The following ABLIM2 variants were observed in gnomAD, a reference collection of about 807,000 sequenced individuals.
The protein encoded by ABLIM2 is actin-binding LIM protein 2.
ABLIM2 carries 53 observed loss-of-function variants against 97.7 expected under a neutral mutation model. That is an observed-to-expected ratio of 0.54 (90% CI 0.44 to 0.68). The LOEUF is 0.68. Ranked by LOEUF, ABLIM2 falls within the 30% of genes least tolerant of loss-of-function variation. The pLI, the probability that ABLIM2 is intolerant of heterozygous loss-of-function variation, is 0.00. For synonymous variants in ABLIM2, 361 were observed against 345.8 expected, an observed-to-expected ratio of 1.04 and a Z score of -0.49; for missense variants, 835 against 867.2, an observed-to-expected ratio of 0.96 and a Z score of 0.47.
chr4:8,100,329 C>A (rs1487321167), intron 2 of ABLIM2, among the ~76,000 whole-genome samples: 1 of 152,136 alleles, frequency 6.6e-6, no homozygotes, highest in Non-Finnish European at 1.5e-5. Context: ...GGGCTTGAGT[C>A]CTTGCTTCTT....
chr4:8,034,302 T>G, intron 10 of ABLIM2, among the ~76,000 whole-genome samples: 1 of 131,892 alleles, frequency 7.6e-6, no homozygotes, highest in African/African-American at 2.9e-5. Flanking sequence ...TGGGTGTAGG[T>G]AGGTACAGGT....
At chr4:7,985,232 A>G (rs1312988561) in intron 17 of ABLIM2, among the ~76,000 whole-genome samples, 1 of 152,228 alleles carries the variant, frequency 6.6e-6, no homozygotes, top group Non-Finnish European at 1.5e-5. Flanking sequence ...CAGCTGGCAC[A>G]GACGACCACT....
chr4:8,066,941 G>A (rs1808279554), intron 6 of ABLIM2: 1 of 152,224 alleles, frequency 6.6e-6, no homozygotes, highest in Non-Finnish European at 1.5e-5. Flanking sequence ...ATCCCCAAAT[G>A]GCCAACTTTT....
chr4:8,022,296 G>A lies in ABLIM2; in HGVS notation c.1268-1993C>T, dbSNP rs2150963365. 6.6e-6 allele frequency among the ~76,000 whole-genome samples: 1 copy of A among 152,292 alleles called. No homozygotes were observed. Among genetic ancestry groups the A allele is most frequent in the Non-Finnish European group, 1.5e-5 (1 of 68,018 alleles). On this transcript the variant is annotated intron_variant, in intron 12 of 20. Coordinates refer to ENST00000447017, the MANE Select transcript of ABLIM2 (RefSeq NM_001130083.2). The surrounding 1 kb of genome is among the most constrained non-coding windows in gnomAD (Gnocchi z 7.8). ...ATCTGCCTCAGCCCCCACTCAGTGG[G>A]CCGAGGATCTAACACATCACAGTGT...
chr4:7,985,389 C>T (rs1305657497), intron 17 of ABLIM2, among the ~76,000 whole-genome samples: 1 of 152,148 alleles, frequency 6.6e-6, no homozygotes, highest in Non-Finnish European at 1.5e-5. Context: ...GCCCCAGGGT[C>T]CACCCTGGGC....
chr4:8,023,200 A>G lies in ABLIM2; in HGVS notation c.1268-2897T>C, dbSNP rs1173551880. ...CCCTGCCGTCCCCTCTCCCATCACT[A>G]GGGTGCCCACAGATTGGTGCCACCT... On this transcript the variant is annotated intron_variant, in intron 12 of 20. Coordinates refer to ENST00000447017, the MANE Select transcript of ABLIM2 (RefSeq NM_001130083.2). This position sits in a 1 kb window ranked among gnomAD's most constrained non-coding sequence, Gnocchi z 5.7. The G allele has an allele frequency of 6.6e-6, 1 of 152,266 alleles. No homozygotes were observed. The highest frequency in any genetic ancestry group is 1.5e-5 in the Non-Finnish European group (1 of 68,150). The allele number at this position is 152,266 out of a possible 1,614,324, so 9.4% of individuals were successfully genotyped here.
Position 8,122,533 on chromosome 4 carries a change from G to C in ABLIM2, c.11-15896C>G, listed in dbSNP as rs1845950337. ...CTCACAAGGCAGAGAGCGCGCTCTG[G>C]GCAGGAGTCCCATCATGAGGACCCC... On this transcript the variant is annotated intron_variant, in intron 1 of 20. Coordinates refer to ENST00000447017, the MANE Select transcript of ABLIM2 (RefSeq NM_001130083.2). This position sits in a 1 kb window ranked among gnomAD's most constrained non-coding sequence, Gnocchi z 4.1. 6.6e-6 allele frequency among the ~76,000 whole-genome samples: 1 copy of C among 152,118 alleles called. No homozygotes were observed. Among genetic ancestry groups the C allele is most frequent in the South Asian group, 2.1e-4 (1 of 4,824 alleles).
intron 20 of ABLIM2, among the ~76,000 whole-genome samples, chr4:7,973,472 G>T (rs1729941905): frequency 6.6e-6 from 1 of 151,052 alleles, no homozygotes; most frequent in South Asian, 2.1e-4. Flanking sequence ...CTGCACTCCA[G>T]TCTGGGTGAC....
chr4:8,057,454 C>T (rs898883743), intron 7 of ABLIM2, among the ~76,000 whole-genome samples: 4 of 152,232 alleles, frequency 2.6e-5, no homozygotes, highest in African/African-American at 9.6e-5. Flanking sequence ...CTGCACACAA[C>T]TGGCACATAC....
rs1280650313 is a variant in ABLIM2, at chr4:7,992,456, C to G, written c.1680+410G>C. Among the ~76,000 whole-genome samples the G allele has an allele frequency of 6.6e-6, 1 of 152,132 alleles. No homozygotes were observed. Among genetic ancestry groups the G allele is most frequent in the African/African-American group, 2.4e-5 (1 of 41,436 alleles). On this transcript the variant is annotated intron_variant, in intron 17 of 20. Transcript: ENST00000447017. The surrounding 1 kb of genome is among the most constrained non-coding windows in gnomAD (Gnocchi z 5.7). Reference sequence around the variant, plus strand: ...AATAGCAGGGAAGGCCAGGGCATCCCCGAGAAGGAGGTGGGCACTTGGCTC... The same window carrying G: ...AATAGCAGGGAAGGCCAGGGCATCCGCGAGAAGGAGGTGGGCACTTGGCTC...
At chr4:8,059,666 C>G (rs1270081704) in intron 7 of ABLIM2, among the ~76,000 whole-genome samples, 4 of 152,050 alleles carry the variant, frequency 2.6e-5, no homozygotes, top group Admixed American at 2.6e-4. Flanking sequence ...CTTTGGGAGG[C>G]CGAGGCGGGC....
intron 2 of ABLIM2, among the ~76,000 whole-genome samples, chr4:8,102,537 A>G (rs774495849): frequency 6.6e-6 from 1 of 152,202 alleles, no homozygotes; most frequent in Non-Finnish European, 1.5e-5. Flanking sequence ...TAGGTGCTCA[A>G]TAAATAGTTA....
chr4:8,052,797 C>T (rs965084255), intron 8 of ABLIM2, among the ~76,000 whole-genome samples: 3 of 152,252 alleles, frequency 2.0e-5, no homozygotes, highest in Non-Finnish European at 4.4e-5. Context: ...CCACTTTGTT[C>T]CCTGCAGGCA....
Position 8,004,628 on chromosome 4 carries a change from C to T in ABLIM2, c.1618+3431G>A, listed in dbSNP as rs1001456070. On this transcript the variant is annotated intron_variant, in intron 16 of 20. Transcript: ENST00000447017. The surrounding 1 kb of genome is among the most constrained non-coding windows in gnomAD (Gnocchi z 5.9). ...CCTCAAGGGGCTAGGAATGTGGGAC[C>T]CCAAGCAGCAGCAGGCCCTACTGCC... 2.0e-5 allele frequency among the ~76,000 whole-genome samples: 3 copies of T among 152,080 alleles called. No individual in the cohort carries two copies. The highest frequency in any genetic ancestry group is 7.2e-5 in the African/African-American group (3 of 41,414).
chr4:8,039,894 T>TCC (rs1553989808), intron 9 of ABLIM2, among the ~76,000 whole-genome samples: 1,895 of 145,604 alleles, frequency 0.013, 11 homozygotes, highest in Non-Finnish European at 0.019. Flanking sequence ...TTTTTTTTTT[T>TCC]TTAATAAATG....
rs914996668 is a variant in ABLIM2 at position 8,044,233 on chromosome 4, C to T, written c.900+931G>A. Among the ~76,000 whole-genome samples, 4 of 152,032 alleles carry T rather than the reference C, an allele frequency of 2.6e-5. No homozygotes were observed. The highest frequency in any genetic ancestry group is 2.0e-4 in the Admixed American group (3 of 15,270). ...AACCCAGGTCCTGGCCTGGCGGGGA[C>T]GGGGAGGGGAGAAGGGGCTTGTCCC... On this transcript the variant is annotated intron_variant, in intron 9 of 20. Transcript: ENST00000447017. This position sits in a 1 kb window ranked among gnomAD's most constrained non-coding sequence, Gnocchi z 4.4.
At chr4:8,139,339 T>G (rs1246143649) in intron 1 of ABLIM2, among the ~76,000 whole-genome samples, 1 of 151,124 alleles carries the variant, frequency 6.6e-6, no homozygotes, top group Non-Finnish European at 1.5e-5. Context: ...TGGGAGAAAA[T>G]TTTTGCAATC....
At chr4:8,142,426 G>T (rs1851132335) in intron 1 of ABLIM2, among the ~76,000 whole-genome samples, 1 of 152,118 alleles carries the variant, frequency 6.6e-6, no homozygotes, top group Non-Finnish European at 1.5e-5. Flanking sequence ...CCACCTTCGG[G>T]CACAGAGGGC....
At chr4:8,093,305 C>A (rs1282481928) in intron 3 of ABLIM2, among the ~76,000 whole-genome samples, 1 of 152,210 alleles carries the variant, frequency 6.6e-6, no homozygotes, top group Non-Finnish European at 1.5e-5. Context: ...GCACTCTCTG[C>A]CAGCTGATGG....
Sources: gnomAD v4.1 joint callset for allele counts (sites outside exome capture counted in the v4.1 genomes callset) on GRCh38, gnomAD v4.1.1 for gene constraint, Gnocchi (gnomAD v3.1) non-coding constraint, MANE v1.5 for transcripts, NCBI Gene and HGNC (gene_info 2026-07-23, HGNC 2026-07-21) for gene names.